Variants in TAF1B observed in about 807,000 individuals in gnomAD.
TAF1B encodes the protein TATA box-binding protein-associated factor RNA polymerase I subunit B.
Under a neutral mutation model 83.9 loss-of-function variants are expected in TAF1B, and 61 were observed. That is an observed-to-expected ratio of 0.73 (90% CI 0.59 to 0.90). The LOEUF is 0.90. Ranked by LOEUF, TAF1B falls within the 40% of genes least tolerant of loss-of-function variation. The probability of loss-of-function intolerance (pLI) is 0.00; values close to 1 mark genes in which losing one functional copy is unlikely to be tolerated. For synonymous variants in TAF1B, 221 were observed against 224.6 expected (o/e 0.98, Z 0.14); for missense variants, 625 against 677.0 (o/e 0.92, Z 0.85).
At chr2:9,904,190 G>A (rs1381139670) in intron 8 of TAF1B, among the ~76,000 whole-genome samples, 1 of 152,052 alleles carries the variant, frequency 6.6e-6, no homozygotes, top group Non-Finnish European at 1.5e-5. Context: ...TGAGTGTGGT[G>A]GGGGTTTGGT....
At chr2:9,862,812 T>A (rs903444487) in intron 5 of TAF1B, among the ~76,000 whole-genome samples, 6 of 152,156 alleles carry the variant, frequency 3.9e-5, no homozygotes, top group Non-Finnish European at 8.8e-5. Context: ...AGAAAAGAAT[T>A]TTCAACCTAT....
intron 14 of TAF1B, among the ~76,000 whole-genome samples, chr2:9,927,051 T>A (rs1666064719): frequency 9.8e-6 from 1 of 101,912 alleles, no homozygotes; most frequent in African/African-American, 3.8e-5. Context: ...CCCCAGTGTG[T>A]GATGTTCCCC....
chr2:9,856,347 G>C (rs904566415), intron 5 of TAF1B, among the ~76,000 whole-genome samples: 4 of 151,386 alleles, frequency 2.6e-5, no homozygotes, highest in African/African-American at 9.7e-5. Flanking sequence ...GGTTCGTTTG[G>C]AGAATGTTTT....
At chr2:9,870,368 G>A (rs1482624824) in intron 6 of TAF1B, among the ~76,000 whole-genome samples, 1 of 152,090 alleles carries the variant, frequency 6.6e-6, no homozygotes, top group Non-Finnish European at 1.5e-5. Context: ...CATGCCTACA[G>A]TCCCAGCTAC....
rs114311011 is a variant in TAF1B, at chr2:9,890,793, G to A, written c.807+7988G>A. ...CTCTTATTTTATTTTTTTTGGGGAC[G>A]GAGTTTCCCTCTTGTTGCCCAGGCT... On this transcript the variant is annotated intron_variant, in intron 8 of 14. Transcript: ENST00000263663. Among the ~76,000 whole-genome samples the A allele has an allele frequency of 5.1e-3, 778 of 151,904 alleles. 7 individuals carry two copies. Among genetic ancestry groups the A allele is most frequent in the African/African-American group, 0.018 (742 of 41,422 alleles).
intron 6 of TAF1B, among the ~76,000 whole-genome samples, chr2:9,874,196 A>G (rs1300017220): frequency 1.3e-5 from 2 of 152,144 alleles, no homozygotes; most frequent in Non-Finnish European, 2.9e-5. Flanking sequence ...GTTGCATCCC[A>G]TGATGCTCTC....
chr2:9,844,691 G>C (rs993934558), intron 1 of TAF1B, among the ~76,000 whole-genome samples: 4 of 152,136 alleles, frequency 2.6e-5, no homozygotes, highest in South Asian at 2.1e-4. Context: ...CGTATACCCA[G>C]ACTAGGGATC....
At chr2:9,843,652 C>A in intron 1 of TAF1B, 93 bp downstream of exon 1, 2 of 1,333,928 alleles carry the variant, frequency 1.5e-6, no homozygotes, top group Admixed American at 3.1e-5. Context: ...CGGGTTGGGG[C>A]GGCGACGCCA....
intron 6 of TAF1B, among the ~76,000 whole-genome samples, chr2:9,871,090 T>G (rs1048254220): frequency 6.6e-6 from 1 of 152,084 alleles, no homozygotes; most frequent in Non-Finnish European, 1.5e-5. Context: ...TGTTGTTGTT[T>G]TTTTTTTGAG....
intron 8 of TAF1B, among the ~76,000 whole-genome samples, chr2:9,898,359 A>T: frequency 6.6e-6 from 1 of 152,236 alleles, no homozygotes; most frequent in East Asian, 1.9e-4. Context: ...AGTGCATTAT[A>T]TAAGCCTTAT....
intron 5 of TAF1B, among the ~76,000 whole-genome samples, chr2:9,857,041 C>T (rs1467601673): frequency 2.0e-5 from 3 of 152,150 alleles, no homozygotes; most frequent in Non-Finnish European, 4.4e-5. Context: ...GCAGAAGAAG[C>T]AAATTAACAA....
intron 14 of TAF1B, among the ~76,000 whole-genome samples, chr2:9,928,385 G>T (rs375229874): frequency 6.6e-6 from 1 of 152,080 alleles, no homozygotes; most frequent in Non-Finnish European, 1.5e-5. Flanking sequence ...GTTTTTTCCA[G>T]TTCTGTGAAG....
chr2:9,878,117 A>G lies in TAF1B; in HGVS notation c.707+2099A>G, dbSNP rs185978628. ...CAGTATCACTTGGGAACTGGTTCGA[A>G]ATGTGAATTCTTAGACCTATCCTAC... is the stretch of plus-strand genomic sequence containing the variant. On this transcript the variant is annotated intron_variant, in intron 7 of 14. Coordinates refer to ENST00000263663, the MANE Select transcript of TAF1B (RefSeq NM_005680.3). Among the ~76,000 whole-genome samples, 10 of 152,280 alleles carry G rather than the reference A, an allele frequency of 6.6e-5. No individual in the cohort carries two copies. The East Asian group carries it at 1.9e-3, about 29-fold the overall frequency.
intron 4 of TAF1B, 85 bp downstream of exon 4, chr2:9,851,723 A>C (rs1453700484): frequency 4.5e-6 from 5 of 1,105,438 alleles, no homozygotes; most frequent in Non-Finnish European, 6.7e-6. Context: ...AGGAGAAATC[A>C]GTAGTAACAC....
chr2:9,882,007 A>T (rs913152974), intron 7 of TAF1B, among the ~76,000 whole-genome samples: 16 of 152,116 alleles, frequency 1.1e-4, no homozygotes, highest in African/African-American at 3.6e-4. Flanking sequence ...GGAGTGATTT[A>T]TGAGTAGGAG....
In TAF1B at chr2:9,910,725, T is replaced by C; in HGVS notation, c.956-11T>C. ...GGCAAATAATTTACATTTTACTGTT[T>C]TGTTCTTCAGATGAAATGCATAGCT... On this transcript the variant is annotated splice_polypyrimidine_tract_variant and intron_variant, in intron 9 of 14. Coordinates refer to ENST00000263663, the MANE Select transcript of TAF1B (RefSeq NM_005680.3). The C allele has an allele frequency of 6.2e-7, 1 of 1,602,832 alleles. No homozygotes were observed.
chr2:9,888,764 A>G (rs1239134361), intron 8 of TAF1B, among the ~76,000 whole-genome samples: 1 of 108,506 alleles, frequency 9.2e-6, no homozygotes, highest in Non-Finnish European at 1.8e-5. Context: ...GCCTTGTCAC[A>G]GTTTTCTTTA....
intron 14 of TAF1B, among the ~76,000 whole-genome samples, chr2:9,932,708 T>C (rs1204313072): frequency 6.6e-6 from 1 of 152,254 alleles, no homozygotes; most frequent in Non-Finnish European, 1.5e-5. Flanking sequence ...TCTTCAGAGC[T>C]GTCAGACAGG....
chr2:9,908,028 C>CTTTTTTTTTTTTTT lies in TAF1B; in HGVS notation c.956-2686_956-2673dup, dbSNP rs57261740. Among the ~76,000 whole-genome samples the CTTTTTTTTTTTTTT allele has an allele frequency of 1.1e-4, 8 of 71,770 alleles. 2 individuals are homozygous for CTTTTTTTTTTTTTT. The highest frequency in any genetic ancestry group is 3.9e-4 in the African/African-American group (5 of 12,710). The allele number at this position is 71,770 out of a possible 152,430, so 47.1% of individuals were successfully genotyped here. A position where few individuals can be genotyped will look rare whatever the true frequency, so the allele number is the denominator to read the frequency against. On this transcript the variant is annotated intron_variant, in intron 9 of 14. Transcript: ENST00000263663. ...AGCGGAGCAGTTCAAGATCTTAATT[C>CTTTTTTTTTTTTTT]TTTTTTTTTTTTTTTTTTTTTTTTT...
Sources: allele counts gnomAD v4.1 joint callset (sites outside exome capture counted in the v4.1 genomes callset), GRCh38; gene constraint gnomAD v4.1.1; transcripts MANE v1.5; gene names NCBI Gene and HGNC (gene_info 2026-07-23, HGNC 2026-07-21).